Variants in SASH1 observed in about 807,000 individuals in gnomAD.
SASH1 encodes the protein SAM and SH3 domain containing 1.
Under a neutral mutation model 125.2 loss-of-function variants are expected in SASH1, and 44 were observed. The ratio of observed to expected loss-of-function variants is 0.35; its 90% CI spans 0.28 to 0.45. The LOEUF (loss-of-function observed/expected upper bound fraction) is 0.45, where lower values mean the gene tolerates loss of function less well. Ranked by LOEUF, SASH1 falls within the 20% of genes least tolerant of loss-of-function variation. SASH1 has a pLI of 1.00. For missense variants in SASH1, 1,426 were observed against 1,614.5 expected (o/e 0.88, Z 2.00); for synonymous variants, 639 against 649.1 (o/e 0.98, Z 0.24).
In SASH1 at chr6:148,408,436, G is replaced by A. The variant is rs142803896; in HGVS notation, c.285+18174G>A. Among the ~76,000 whole-genome samples the A allele has an allele frequency of 2.6e-4, 39 of 152,136 alleles. 1 individual carries two copies. In the East Asian group the frequency reaches 6.6e-3, roughly 26 times the overall value. Reference sequence around the variant, plus strand: ...TTTCATATACTTATTAGCCATTTGTGTATTTTCTTTGGAGAAATGTCTACA... The same window carrying A: ...TTTCATATACTTATTAGCCATTTGTATATTTTCTTTGGAGAAATGTCTACA... On this transcript the variant is annotated intron_variant, in intron 2 of 19. Transcript: ENST00000367467.
chr6:148,255,314 T>C, the SASH1 span, among the ~76,000 whole-genome samples: 2 of 152,320 alleles, frequency 1.3e-5, no homozygotes, highest in South Asian at 4.1e-4. Flanking sequence ...TGTCCTCACA[T>C]GGCCTTTTCT....
chr6:148,200,237 A>G, the SASH1 span, among the ~76,000 whole-genome samples: 1 of 152,236 alleles, frequency 6.6e-6, no homozygotes, highest in Non-Finnish European at 1.5e-5. Flanking sequence ...AAAAATATTC[A>G]TGTATATTTT....
chr6:148,456,502 T>A (rs1256750398), intron 4 of SASH1, among the ~76,000 whole-genome samples: 1 of 152,162 alleles, frequency 6.6e-6, no homozygotes. Flanking sequence ...ATGCAGGAAA[T>A]TTTAATAAAG....
chr6:148,524,085 C>T (rs1780977474), intron 10 of SASH1, among the ~76,000 whole-genome samples: 1 of 131,524 alleles, frequency 7.6e-6, no homozygotes, highest in African/African-American at 2.7e-5. Context: ...TCTACTTTAT[C>T]AATTCAGTTA....
intron 19 of SASH1, among the ~76,000 whole-genome samples, chr6:148,546,621 T>A (rs2080118): frequency 0.19 from 28,486 of 152,176 alleles, 3,082 homozygotes; most frequent in Admixed American, 0.27. Context: ...TGAAAATTGC[T>A]AGGACAGCAG....
At chr6:148,388,195 G>A (rs1307265184) in intron 1 of SASH1, among the ~76,000 whole-genome samples, 6 of 152,196 alleles carry the variant, frequency 3.9e-5, no homozygotes, top group Non-Finnish European at 5.9e-5. Context: ...GATTACAGGC[G>A]TGAGCCCCTG....
chr6:148,211,004 A>G, the SASH1 span, among the ~76,000 whole-genome samples: 2 of 152,220 alleles, frequency 1.3e-5, no homozygotes, highest in African/African-American at 4.8e-5. Context: ...TCTGTTATCC[A>G]TATCCAAGGG....
chr6:148,223,089 T>C, the SASH1 span, among the ~76,000 whole-genome samples: 1 of 152,162 alleles, frequency 6.6e-6, no homozygotes, highest in Non-Finnish European at 1.5e-5. Flanking sequence ...TGCTGAGAAC[T>C]CTCTTAAAAA....
chr6:148,268,077 C>G (rs1244786886), upstream of SASH1, among the ~76,000 whole-genome samples: 2 of 152,160 alleles, frequency 1.3e-5, no homozygotes, highest in Non-Finnish European at 2.9e-5. Context: ...CATCACCAGC[C>G]TCTCAGTTCC....
intron 2 of SASH1, among the ~76,000 whole-genome samples, chr6:148,397,902 G>A (rs185260021): frequency 3.3e-5 from 5 of 152,300 alleles, no homozygotes; most frequent in South Asian, 4.1e-4. Flanking sequence ...CCACAGTTTA[G>A]TAGGGGTGTG....
Position 148,356,057 on chromosome 6 carries a change from A to G in SASH1, c.156+12834A>G, listed in dbSNP as rs75598524. Among the ~76,000 whole-genome samples, 39 of 143,482 alleles carry G rather than the reference A, an allele frequency of 2.7e-4. No individual in the cohort carries two copies. In the East Asian group the frequency reaches 7.3e-3, roughly 27 times the overall value. The allele number at this position is 143,482 out of a possible 152,430, so 94.1% of individuals were successfully genotyped here. A position where few individuals can be genotyped will look rare whatever the true frequency, so the allele number is the denominator to read the frequency against. The stretch of plus-strand genomic sequence containing the variant: ...CTTCCCCCCAAGTCCCCCAAAGTCC[A>G]TTGTATCATTCTGTTTTTTTTTTTT... On this transcript the variant is annotated intron_variant, in intron 1 of 19. Coordinates refer to ENST00000367467, the MANE Select transcript of SASH1 (RefSeq NM_015278.5).
intron 1 of SASH1, among the ~76,000 whole-genome samples, chr6:148,307,928 C>G (rs2128517156): frequency 6.6e-6 from 1 of 152,222 alleles, no homozygotes; most frequent in South Asian, 2.1e-4. Context: ...GTGCAAAGCA[C>G]TGAAGAGGCG....
intron 1 of SASH1, among the ~76,000 whole-genome samples, chr6:148,308,936 T>G (rs1195875138): frequency 6.6e-6 from 1 of 151,000 alleles, no homozygotes; most frequent in Non-Finnish European, 1.5e-5. Flanking sequence ...ATACAAAAAT[T>G]AGCCAGGGGT....
intron 1 of SASH1, among the ~76,000 whole-genome samples, chr6:148,315,068 G>T (rs938018473): frequency 6.6e-6 from 1 of 152,016 alleles, no homozygotes; most frequent in Non-Finnish European, 1.5e-5. Flanking sequence ...CCGTATAAAT[G>T]ATTTTTAAAG....
At chr6:148,245,905 C>T in the SASH1 span, among the ~76,000 whole-genome samples, 6 of 151,606 alleles carry the variant, frequency 4.0e-5, no homozygotes, top group East Asian at 1.2e-3. Context: ...AGGAGAATGG[C>T]GTGAACCCGG....
At chr6:148,418,418 G>A (rs529732573) in intron 2 of SASH1, among the ~76,000 whole-genome samples, 78 of 152,222 alleles carry the variant, frequency 5.1e-4, no homozygotes, top group Admixed American at 3.0e-3. Flanking sequence ...GTGTCCTTCC[G>A]TGAACATGTT....
At chr6:148,504,224 G>A (rs1430550195) in intron 8 of SASH1, among the ~76,000 whole-genome samples, 1 of 152,202 alleles carries the variant, frequency 6.6e-6, no homozygotes, top group Non-Finnish European at 1.5e-5. Flanking sequence ...GTTTGCAGAA[G>A]ATGAGCCATC....
intron 2 of SASH1, among the ~76,000 whole-genome samples, chr6:148,434,603 G>A (rs1467744400): frequency 6.6e-6 from 1 of 152,122 alleles, no homozygotes; most frequent in Non-Finnish European, 1.5e-5. Flanking sequence ...AGTTTGTAAT[G>A]TTAATGAGAT....
chr6:148,216,660 G>A, the SASH1 span, among the ~76,000 whole-genome samples: 2 of 152,146 alleles, frequency 1.3e-5, no homozygotes, highest in Admixed American at 1.3e-4. Context: ...TGCAGGGAAA[G>A]AGGATGAGAT....
Sources: gnomAD v4.1 joint callset for allele counts (sites outside exome capture counted in the v4.1 genomes callset) on GRCh38, gnomAD v4.1.1 for gene constraint, MANE v1.5 for transcripts, NCBI Gene and HGNC (gene_info 2026-07-23, HGNC 2026-07-21) for gene names.